Variants in PPP6C observed in about 807,000 individuals in gnomAD.
The protein encoded by PPP6C is serine/threonine-protein phosphatase 6 catalytic subunit.
In PPP6C, 11 loss-of-function variants were observed where a neutral mutation model predicts 39.8. That is an observed-to-expected ratio of 0.28 (90% CI 0.17 to 0.46). The LOEUF (loss-of-function observed/expected upper bound fraction) is 0.46, where lower values mean the gene tolerates loss of function less well. Ranked by LOEUF, PPP6C falls within the 20% of genes least tolerant of loss-of-function variation. The probability of loss-of-function intolerance (pLI) is 1.00; values close to 1 mark genes in which losing one functional copy is unlikely to be tolerated. For synonymous variants in PPP6C, 129 were observed against 130.3 expected, an observed-to-expected ratio of 0.99 and a Z score of 0.07; for missense variants, 211 against 373.9, an observed-to-expected ratio of 0.56 and a Z score of 3.59.
In PPP6C at chr9:125,153,834, TGAC is replaced by T. The variant is rs1367975200; in HGVS notation, c.459+69_459+71del. The T allele has an allele frequency of 4.6e-6, 7 of 1,527,148 alleles. No individual in the cohort carries two copies. The African/African-American group carries it at 9.6e-5, about 21-fold the overall frequency. 94.6% of individuals were successfully genotyped at this position (1,527,148 alleles called of 1,614,324 possible). A position where few individuals can be genotyped will look rare whatever the true frequency, so the allele number is the denominator to read the frequency against. On this transcript the variant is annotated intron_variant, in intron 5 of 6. Coordinates refer to ENST00000373547, the MANE Select transcript of PPP6C (RefSeq NM_002721.5). ...ACTAAAGATATCAATATAATTGAGATGACAACTAGATAAAAATATGCAATGTGT... is the reference window on the plus strand; with the variant it reads ...ACTAAAGATATCAATATAATTGAGATAACTAGATAAAAATATGCAATGTGT...
At chr9:125,153,812 A>G (rs891229580) in intron 5 of PPP6C, 70 bp from the exon 6 acceptor site, 23 of 1,528,082 alleles carry the variant, frequency 1.5e-5, no homozygotes, top group Admixed American at 6.8e-5. Flanking sequence ...AGTGAATACT[A>G]AAGATATCAA....
rs1215936071 is a variant in PPP6C at position 125,189,658 on chromosome 9, C to T, written c.61G>A (p.Glu21Lys). Residue 21 changes from glutamate to lysine, a missense_variant, in exon 1 of 7, where the codon GAG becomes AAG. Coordinates refer to ENST00000373547, the MANE Select transcript of PPP6C (RefSeq NM_002721.5). Reference protein sequence around the residue: ...EIARLCKYLPENDLKRLCDYV... With the variant: ...EIARLCKYLPKNDLKRLCDYV... Reference sequence around the variant, plus strand: ...ATAGGGCTCACCTTCAGGTCGTTCTCTGGCAGGTACTTGCACAGCCGCGCT... The same window carrying T: ...ATAGGGCTCACCTTCAGGTCGTTCTTTGGCAGGTACTTGCACAGCCGCGCT... 6.2e-7 allele frequency: 1 copy of T among 1,612,962 alleles called. No homozygotes were observed. The highest frequency in any genetic ancestry group is 8.5e-7 in the Non-Finnish European group (1 of 1,179,672).
chr9:125,160,915 G>A lies in PPP6C; in HGVS notation c.172-9C>T. 6.4e-7 allele frequency: 1 copy of A among 1,558,260 alleles called. No homozygotes were observed. Among genetic ancestry groups the A allele is most frequent in the South Asian group, 1.2e-5 (1 of 82,016 alleles). The stretch of plus-strand genomic sequence containing the variant: ...TCACAAAGGTCATAAAACTATAAAA[G>A]AAATGCAATACATGCTGATTACAAA... On this transcript the variant is annotated splice_polypyrimidine_tract_variant and intron_variant, in intron 2 of 6. Transcript: ENST00000373547.
At position 125,148,322 on chromosome 9, in the gene PPP6C, C is replaced by G. The variant is rs1835856298; in HGVS notation, c.*1351G>C. ...AAAATTAATCATAGTAAAGGGATAC[C>G]AACTATTTCACAAAATGTACATTCC... On this transcript the variant is annotated 3_prime_UTR_variant, in exon 7 of 7. Transcript: ENST00000373547. The G allele has an allele frequency of 1.3e-5, 2 of 151,994 alleles. No homozygotes were observed. The highest frequency in any genetic ancestry group is 2.9e-5 in the Non-Finnish European group (2 of 67,966). The allele number at this position is 151,994 out of a possible 1,614,324, so 9.4% of individuals were successfully genotyped here.
rs1181825423 is a variant in PPP6C, at chr9:125,189,031, T to C, written c.75+613A>G. On this transcript the variant is annotated intron_variant, in intron 1 of 6. Coordinates refer to ENST00000373547, the MANE Select transcript of PPP6C (RefSeq NM_002721.5). Reference sequence around the variant, plus strand: ...ATCCACTTCAGTAAGCTCAACAACATACTCAGAAACGGGATTCACCTCTGA... The same window carrying C: ...ATCCACTTCAGTAAGCTCAACAACACACTCAGAAACGGGATTCACCTCTGA... The C allele has an allele frequency of 3.2e-5, 34 of 1,048,552 alleles. 1 individual carries two copies. In the South Asian group the frequency reaches 3.9e-4, roughly 12 times the overall value. The allele number at this position is 1,048,552 out of a possible 1,614,324, so 65.0% of individuals were successfully genotyped here.
chr9:125,171,157 G>A lies in PPP6C; in HGVS notation c.99C>T (p.Asp33=). 3.1e-6 allele frequency: 5 copies of A among 1,597,686 alleles called. No homozygotes were observed. The highest frequency in any genetic ancestry group is 4.3e-6 in the Non-Finnish European group (5 of 1,167,848). ...DLKRLCDYVC[D]LLLEESNVQP... is the part of the protein sequence containing the mutation. ...GAACATTTGACTCTTCTAAGAGGAG[G>A]TCACAAACGTAGTCACATAGCCGCT... The change falls in exon 2 of 7, where the codon GAC becomes GAT. Residue 33 remains aspartate (D), a synonymous_variant. Coordinates refer to ENST00000373547, the MANE Select transcript of PPP6C (RefSeq NM_002721.5).
chr9:125,172,893 T>A (rs2161753), intron 1 of PPP6C, among the ~76,000 whole-genome samples: 1 of 152,102 alleles, frequency 6.6e-6, no homozygotes, highest in Non-Finnish European at 1.5e-5. Flanking sequence ...GGCATTACAC[T>A]ATAGTTCTAC....
At chr9:125,158,654 C>T (rs1179399901) in intron 3 of PPP6C, among the ~76,000 whole-genome samples, 2 of 151,818 alleles carry the variant, frequency 1.3e-5, no homozygotes, top group African/African-American at 2.4e-5. Context: ...AAAAAACCAC[C>T]ATTTTTTTTT....
chr9:125,185,648 C>A (rs1015810502), intron 1 of PPP6C, among the ~76,000 whole-genome samples: 2 of 150,546 alleles, frequency 1.3e-5, no homozygotes, highest in African/African-American at 4.9e-5. Flanking sequence ...GAGCTGAGAA[C>A]GTGCACCTGC....
chr9:125,166,622 T>G (rs1292179074), intron 2 of PPP6C, among the ~76,000 whole-genome samples: 1 of 148,372 alleles, frequency 6.7e-6, no homozygotes, highest in Non-Finnish European at 1.5e-5. Context: ...AACATCCGCC[T>G]CCCAGGTTCA....
intron 1 of PPP6C, among the ~76,000 whole-genome samples, chr9:125,187,166 C>T (rs922824190): frequency 3.3e-5 from 5 of 151,632 alleles, no homozygotes; most frequent in East Asian, 3.9e-4. Flanking sequence ...AGGCTGGTCT[C>T]GAGCTCCTGA....
chr9:125,181,672 T>A (rs541527512), intron 1 of PPP6C, among the ~76,000 whole-genome samples: 2 of 152,374 alleles, frequency 1.3e-5, no homozygotes, highest in African/African-American at 2.4e-5. Context: ...ATGGTGTATA[T>A]GTGCCACATT....
At chr9:125,189,062 C>T in intron 1 of PPP6C, 1 of 731,934 alleles carries the variant, frequency 1.4e-6, no homozygotes, top group South Asian at 2.0e-5. Flanking sequence ...TCTGAATTAG[C>T]AAAACCGACG....
chr9:125,176,844 C>T (rs924627092), intron 1 of PPP6C, among the ~76,000 whole-genome samples: 1 of 152,066 alleles, frequency 6.6e-6, no homozygotes, highest in Non-Finnish European at 1.5e-5. Context: ...CAGATGTTAT[C>T]TGAATGTAGC....
intron 1 of PPP6C, among the ~76,000 whole-genome samples, chr9:125,188,023 G>A (rs920175406): frequency 1.3e-5 from 2 of 152,052 alleles, no homozygotes; most frequent in Non-Finnish European, 2.9e-5. Flanking sequence ...GTTGACTGAT[G>A]TTAAGTATCA....
intron 1 of PPP6C, among the ~76,000 whole-genome samples, chr9:125,179,916 A>G (rs1381393675): frequency 6.6e-6 from 1 of 152,108 alleles, no homozygotes; most frequent in Non-Finnish European, 1.5e-5. Flanking sequence ...TCAGCCTCCC[A>G]AAGTGCTAGG....
intron 1 of PPP6C, among the ~76,000 whole-genome samples, chr9:125,186,644 G>A (rs1418583350): frequency 6.6e-6 from 1 of 151,790 alleles, no homozygotes; most frequent in Non-Finnish European, 1.5e-5. Flanking sequence ...CAGCTTCTCA[G>A]GAGGCTAAGG....
Position 125,149,354 on chromosome 9 carries a change from A to G in PPP6C, c.*319T>C, listed in dbSNP as rs1835883046. 9.1e-6 allele frequency: 2 copies of G among 219,164 alleles called. No individual in the cohort carries two copies. The highest frequency in any genetic ancestry group is 1.8e-5 in the Non-Finnish European group (2 of 111,498). 13.6% of individuals were successfully genotyped at this position (219,164 alleles called of 1,614,324 possible). A position where few individuals can be genotyped will look rare whatever the true frequency, so the allele number is the denominator to read the frequency against. Reference sequence around the variant, plus strand: ...GGTGTAATCTGTCAATTGGCTTTTAAAAAAAGGAAACACATCCTGTTTCCC... The same window carrying G: ...GGTGTAATCTGTCAATTGGCTTTTAGAAAAAGGAAACACATCCTGTTTCCC... On this transcript the variant is annotated 3_prime_UTR_variant, in exon 7 of 7. Transcript: ENST00000373547.
chr9:125,155,888 G>A (rs1217818178), intron 4 of PPP6C, among the ~76,000 whole-genome samples: 1 of 138,272 alleles, frequency 7.2e-6, no homozygotes, highest in African/African-American at 2.8e-5. Flanking sequence ...CTGGGTGACA[G>A]AGCGAGACTC....
Sources: gnomAD v4.1 joint callset for allele counts (sites outside exome capture counted in the v4.1 genomes callset) on GRCh38, gnomAD v4.1.1 for gene constraint, MANE v1.5 for transcripts, NCBI Gene and HGNC (gene_info 2026-07-23, HGNC 2026-07-21) for gene names.